MARCHF8: variants seen among roughly 807,000 people sequenced by gnomAD.
The protein encoded by MARCHF8 is E3 ubiquitin-protein ligase MARCHF8.
A neutral mutation model predicts 51.6 loss-of-function variants in MARCHF8; 40 were observed. The ratio of observed to expected loss-of-function variants is 0.77; its 90% CI spans 0.60 to 1.01. The LOEUF (loss-of-function observed/expected upper bound fraction) is 1.01, where lower values mean the gene tolerates loss of function less well. Among genes scored for constraint, MARCHF8 ranks in the 50% least tolerant of loss-of-function variants. The pLI is 0.00. For missense variants in MARCHF8, 685 were observed against 708.6 expected (o/e 0.97, Z 0.38); for synonymous variants, 263 against 280.3 (o/e 0.94, Z 0.62).
chr10:45,476,233 T>C (rs1263439363), intron 3 of MARCHF8, among the ~76,000 whole-genome samples: 1 of 152,220 alleles, frequency 6.6e-6, no homozygotes, highest in African/African-American at 2.4e-5. Flanking sequence ...AAGAAATTTA[T>C]GAAATCCCAA....
At chr10:45,513,294 G>C (rs1006112858) in intron 2 of MARCHF8, among the ~76,000 whole-genome samples, 1 of 151,998 alleles carries the variant, frequency 6.6e-6, no homozygotes, top group Admixed American at 6.5e-5. Context: ...TGCTATATGA[G>C]CAAGTAACCT....
chr10:45,561,081 C>A (rs2044305317), intron 1 of MARCHF8, among the ~76,000 whole-genome samples: 1 of 151,930 alleles, frequency 6.6e-6, no homozygotes, highest in South Asian at 2.1e-4. Flanking sequence ...TGGCAGGGCA[C>A]CTGTCTAGTG....
At chr10:45,532,874 T>C (rs1180978337) in intron 2 of MARCHF8, among the ~76,000 whole-genome samples, 2 of 152,200 alleles carry the variant, frequency 1.3e-5, no homozygotes, top group Non-Finnish European at 1.5e-5. Flanking sequence ...AATAATCAGG[T>C]AGATTTAACC....
At position 45,489,390 on chromosome 10, in the gene MARCHF8, T is replaced by C. The variant is rs767320619; in HGVS notation, c.130A>G (p.Ser44Gly). The C allele has an allele frequency of 6.2e-7, 1 of 1,613,088 alleles. No homozygotes were observed. Among genetic ancestry groups the C allele is most frequent in the Non-Finnish European group, 8.5e-7 (1 of 1,179,518 alleles). The change falls in exon 3 of 8, where the codon AGT (serine) becomes GGT (glycine). Residue 44 changes from serine (S) to glycine (G), a missense_variant. Ser to Gly is a moderately conservative substitution (Grantham distance 56, BLOSUM62 0). Coordinates refer to ENST00000453424, the MANE Select transcript of MARCHF8 (RefSeq NM_001282866.2). Reference sequence around the variant, plus strand: ...ACCTTAGAAATGTTGCTTGAATGACTCATGAAATGTCCCAAAGTCTTCTCA... The same window carrying C: ...ACCTTAGAAATGTTGCTTGAATGACCCATGAAATGTCCCAAAGTCTTCTCA... ...QNEKTLGHFM[S>G]HSSNISKAGS...
At position 45,458,480 on chromosome 10, in the gene MARCHF8, A is replaced by C. The variant is rs761321129; in HGVS notation, c.1481T>G (p.Leu494Arg). 5.0e-6 allele frequency: 8 copies of C among 1,613,252 alleles called. No homozygotes were observed. Among genetic ancestry groups the C allele is most frequent in the Non-Finnish European group, 6.8e-6 (8 of 1,179,736 alleles). The change falls in exon 8 of 8, where the codon CTT becomes CGT. Residue 494 changes from leucine (L) to arginine (R), a missense_variant. Physicochemically the swap from Leu to Arg is moderately radical, Grantham distance 102. Coordinates refer to ENST00000453424, the MANE Select transcript of MARCHF8 (RefSeq NM_001282866.2). ...TTTACACTGAACATACATAAAAAGAAGTCCTCCGGTGAAGCCGATGGCCAC... is the reference window on the plus strand; with the variant it reads ...TTTACACTGAACATACATAAAAAGACGTCCTCCGGTGAAGCCGATGGCCAC... ...VVVAIGFTGG[L>R]LFMYVQCKVY...
chr10:45,582,010 A>G (rs2044561222), intron 1 of MARCHF8, among the ~76,000 whole-genome samples: 1 of 152,206 alleles, frequency 6.6e-6, no homozygotes, highest in East Asian at 1.9e-4. Context: ...GGTTAAAGTA[A>G]TGACCAATGA....
intron 1 of MARCHF8, among the ~76,000 whole-genome samples, chr10:45,551,947 AG>A (rs1317547856): frequency 6.6e-6 from 1 of 152,142 alleles, no homozygotes; most frequent in Non-Finnish European, 1.5e-5. Flanking sequence ...CATTCCTTGC[AG>A]GGTACAAAGC....
rs78167305 is a variant in MARCHF8, at chr10:45,478,461, C to T, written c.153+10906G>A. Among the ~76,000 whole-genome samples the T allele has an allele frequency of 5.0e-3, 754 of 151,328 alleles. 5 individuals are homozygous for T. The highest frequency in any genetic ancestry group is 0.018 in the African/African-American group (727 of 41,202). ...AGTAGAAAGATTTCAAACAAACAAT[C>T]GAAGGATGCACCTCAAGGATCTAGA... is the stretch of plus-strand genomic sequence containing the variant. On this transcript the variant is annotated intron_variant, in intron 3 of 7. Transcript: ENST00000453424.
chr10:45,569,116 T>G, intron 1 of MARCHF8, among the ~76,000 whole-genome samples: 1 of 151,466 alleles, frequency 6.6e-6, no homozygotes, highest in East Asian at 1.9e-4. Context: ...CATAATGTTT[T>G]AAGAAAGTTT....
At chr10:45,512,842 A>T (rs1044401436) in intron 2 of MARCHF8, among the ~76,000 whole-genome samples, 10 of 152,108 alleles carry the variant, frequency 6.6e-5, no homozygotes, top group African/African-American at 1.2e-4. Context: ...GTGTAGAAAG[A>T]AGTAGACATG....
At chr10:45,475,475 C>T (rs2042770969) in intron 3 of MARCHF8, among the ~76,000 whole-genome samples, 1 of 152,222 alleles carries the variant, frequency 6.6e-6, no homozygotes, top group South Asian at 2.1e-4. Context: ...CTGCGCAGCC[C>T]ATTCCACCAC....
At chr10:45,551,596 C>T (rs1291141872) in intron 1 of MARCHF8, among the ~76,000 whole-genome samples, 4 of 152,042 alleles carry the variant, frequency 2.6e-5, no homozygotes, top group Admixed American at 2.0e-4. Context: ...TGGGCCTCAA[C>T]CAATCAGTTG....
At chr10:45,491,364 A>G (rs35079443) in intron 2 of MARCHF8, among the ~76,000 whole-genome samples, 9,384 of 152,178 alleles carry the variant, frequency 0.062, 332 homozygotes, top group Non-Finnish European at 0.067. Context: ...ATGGTGAAAC[A>G]CCGTCTCTAC....
intron 1 of MARCHF8, among the ~76,000 whole-genome samples, chr10:45,574,906 C>T (rs907915919): frequency 6.6e-6 from 1 of 151,502 alleles, no homozygotes; most frequent in African/African-American, 2.4e-5. Context: ...GACTACACAT[C>T]AATATTTATA....
intron 3 of MARCHF8, among the ~76,000 whole-genome samples, chr10:45,473,455 G>A (rs1589089142): frequency 6.6e-6 from 1 of 152,324 alleles, no homozygotes; most frequent in Non-Finnish European, 1.5e-5. Context: ...CCTGGGGTAA[G>A]TGCTGCCAAT....
chr10:45,455,550 G>C lies in MARCHF8; in HGVS notation c.*2689C>G, dbSNP rs943233710. ...TAAACCCAGGTGCAAAATGGGGGGG[G>C]AAGGGGGGAAGCTGGGGAGTACACA... On this transcript the variant is annotated 3_prime_UTR_variant, in exon 8 of 8. Coordinates refer to ENST00000453424, the MANE Select transcript of MARCHF8 (RefSeq NM_001282866.2). 2 of 151,982 alleles carry C rather than the reference G, an allele frequency of 1.3e-5. No individual in the cohort carries two copies. The highest frequency in any genetic ancestry group is 2.4e-5 in the African/African-American group (1 of 41,288). 9.4% of individuals were successfully genotyped at this position (151,982 alleles called of 1,614,324 possible).
chr10:45,487,676 G>T (rs146163357), intron 3 of MARCHF8, among the ~76,000 whole-genome samples: 1 of 152,150 alleles, frequency 6.6e-6, no homozygotes. Context: ...TATTTTTAAC[G>T]CAAAATTAAG....
intron 6 of MARCHF8, 152 bp downstream of exon 6, chr10:45,461,079 G>T: frequency 2.1e-6 from 1 of 478,650 alleles, no homozygotes; most frequent in Non-Finnish European, 3.5e-6. Context: ...ATCAGCACCA[G>T]AAACAACAAT....
chr10:45,577,993 G>A (rs553689413), intron 1 of MARCHF8, among the ~76,000 whole-genome samples: 68 of 152,128 alleles, frequency 4.5e-4, no homozygotes, highest in Non-Finnish European at 8.7e-4. Flanking sequence ...CTGCATTCCA[G>A]CCTAGGAGAC....
Sources: gnomAD v4.1 joint callset for allele counts (sites outside exome capture counted in the v4.1 genomes callset) on GRCh38, gnomAD v4.1.1 for gene constraint, MANE v1.5 for transcripts, NCBI Gene and HGNC (gene_info 2026-07-23, HGNC 2026-07-21) for gene names.